The following ZMAT4 variants were observed in gnomAD, a reference collection of about 807,000 sequenced individuals.
The protein encoded by ZMAT4 is zinc finger matrin-type protein 4.
In ZMAT4, 17 loss-of-function variants were observed where a neutral mutation model predicts 28.7. The observed-to-expected ratio is 0.59, with a 90% confidence interval of 0.41 to 0.89. ZMAT4 has a LOEUF of 0.89. Ranked by LOEUF, ZMAT4 falls within the 40% of genes least tolerant of loss-of-function variation. ZMAT4 has a pLI of 0.00. For missense variants in ZMAT4, 240 were observed against 283.8 expected, an observed-to-expected ratio of 0.85 and a Z score of 1.11; for synonymous variants, 117 against 109.2, an observed-to-expected ratio of 1.07 and a Z score of -0.44.
chr8:40,618,220 T>C (rs1402550866), intron 5 of ZMAT4, among the ~76,000 whole-genome samples: 1 of 152,190 alleles, frequency 6.6e-6, no homozygotes, highest in African/African-American at 2.4e-5. Context: ...ATCAGTCCAC[T>C]TATAACAACG....
At chr8:40,760,345 A>T (rs886249902) in intron 3 of ZMAT4, among the ~76,000 whole-genome samples, 1 of 152,028 alleles carries the variant, frequency 6.6e-6, no homozygotes, top group Non-Finnish European at 1.5e-5. Flanking sequence ...CTTTGGAAAC[A>T]TCTGTAAGTT....
intron 5 of ZMAT4, among the ~76,000 whole-genome samples, chr8:40,597,566 C>G (rs1805147429): frequency 6.6e-6 from 1 of 152,180 alleles, no homozygotes; most frequent in Non-Finnish European, 1.5e-5. Flanking sequence ...CCTGTTTTAT[C>G]TTATCCTTCT....
chr8:40,697,320 A>C lies in ZMAT4; in HGVS notation c.274T>G (p.Ser92Ala). The change falls in exon 4 of 7, where the codon TCC becomes GCC. Residue 92 changes from serine (S) to alanine (A), a missense_variant. Transcript: ENST00000297737. ...MSFTSAVVAD[S>A]HYQGKIHAKR... Reference sequence around the variant, plus strand: ...GCGTGGATTTTGCCTTGATAATGGGAATCGGCCACCACCGCTGAAGTGAAT... The same window carrying C: ...GCGTGGATTTTGCCTTGATAATGGGCATCGGCCACCACCGCTGAAGTGAAT... 1 of 1,613,860 alleles carries C rather than the reference A, an allele frequency of 6.2e-7. No homozygotes were observed. The highest frequency in any genetic ancestry group is 8.5e-7 in the Non-Finnish European group (1 of 1,179,846).
At chr8:40,786,660 T>C (rs1461659592) in intron 2 of ZMAT4, 1 of 1,277,366 alleles carries the variant, frequency 7.8e-7, no homozygotes, top group Non-Finnish European at 1.0e-6. Flanking sequence ...TTAACCATCC[T>C]CATTCAGTCC....
chr8:40,856,981 A>G (rs1049040946), intron 1 of ZMAT4, among the ~76,000 whole-genome samples: 1 of 152,190 alleles, frequency 6.6e-6, no homozygotes, highest in African/African-American at 2.4e-5. Context: ...GTTCTCCACT[A>G]AAGTCATAAA....
rs1025660670 is a variant in ZMAT4 at position 40,747,048 on chromosome 8, A to G, written c.192+20593T>C. ...GCACTTATGAGAGCTGCCACTTTCAATGGAGGGCAGGGACCCTTCCCGGCT... is the reference window on the plus strand; with the variant it reads ...GCACTTATGAGAGCTGCCACTTTCAGTGGAGGGCAGGGACCCTTCCCGGCT... On this transcript the variant is annotated intron_variant, in intron 3 of 6. Coordinates refer to ENST00000297737, the MANE Select transcript of ZMAT4 (RefSeq NM_024645.3). Among the ~76,000 whole-genome samples, 6 of 152,148 alleles carry G rather than the reference A, an allele frequency of 3.9e-5. No individual in the cohort carries two copies. In the East Asian group the frequency reaches 7.7e-4, roughly 20 times the overall value.
At chr8:40,563,243 G>A (rs1266772142) in intron 6 of ZMAT4, among the ~76,000 whole-genome samples, 1 of 152,142 alleles carries the variant, frequency 6.6e-6, no homozygotes, top group African/African-American at 2.4e-5. Flanking sequence ...ACTCATGTCT[G>A]CATCATCTCT....
At chr8:40,672,894 G>C (rs760472564) in intron 5 of ZMAT4, among the ~76,000 whole-genome samples, 4 of 152,172 alleles carry the variant, frequency 2.6e-5, no homozygotes, top group Non-Finnish European at 5.9e-5. Flanking sequence ...TGACTCAAAA[G>C]CTTCTGCAAT....
intron 2 of ZMAT4, among the ~76,000 whole-genome samples, chr8:40,814,998 G>A (rs934217736): frequency 6.6e-6 from 1 of 152,196 alleles, no homozygotes; most frequent in African/African-American, 2.4e-5. Flanking sequence ...GGAGAGGCCA[G>A]GCTTGGCAGC....
chr8:40,633,192 C>T (rs1399677064), intron 5 of ZMAT4, among the ~76,000 whole-genome samples: 1 of 152,144 alleles, frequency 6.6e-6, no homozygotes. Flanking sequence ...GGGAGCTCAG[C>T]TGTTGTCTAG....
At chr8:40,540,162 A>C (rs1802985541) in intron 6 of ZMAT4, among the ~76,000 whole-genome samples, 1 of 152,190 alleles carries the variant, frequency 6.6e-6, no homozygotes, top group African/African-American at 2.4e-5. Flanking sequence ...GGAAAACTCC[A>C]ACCAGCCTGT....
chr8:40,715,895 T>C (rs1810830832), intron 3 of ZMAT4, among the ~76,000 whole-genome samples: 1 of 152,320 alleles, frequency 6.6e-6, no homozygotes, highest in Middle Eastern at 3.4e-3. Flanking sequence ...CTCCAAGTCA[T>C]GGAGAAAAAC....
chr8:40,893,988 T>C (rs1401444637), intron 1 of ZMAT4, among the ~76,000 whole-genome samples: 1 of 152,258 alleles, frequency 6.6e-6, no homozygotes, highest in African/African-American at 2.4e-5. Flanking sequence ...CACCTTAGTA[T>C]GAATGAGTAG....
intron 3 of ZMAT4, among the ~76,000 whole-genome samples, chr8:40,714,564 T>C (rs1251777377): frequency 1.3e-5 from 2 of 152,178 alleles, no homozygotes; most frequent in East Asian, 3.9e-4. Flanking sequence ...TTTTATGGGG[T>C]GTCAACCCTC....
chr8:40,691,019 C>T (rs1338898647), intron 4 of ZMAT4: 10 of 728,316 alleles, frequency 1.4e-5, no homozygotes, highest in Non-Finnish European at 1.7e-5. Flanking sequence ...TTAGTGAGAG[C>T]CTTGGATTTT....
At chr8:40,601,644 GAA>G (rs1183478708) in intron 5 of ZMAT4, among the ~76,000 whole-genome samples, 3 of 26,912 alleles carry the variant, frequency 1.1e-4, no homozygotes, top group East Asian at 1.6e-3. Flanking sequence ...GAGAAAGAAA[GAA>G]AGAAAGAAAG....
rs553737757 is a variant in ZMAT4, at chr8:40,843,945, A to C, written c.-4-18265T>G. ...ATCAGTCCCTTCTATCTTTCCCCTC[A>C]ATTTTATAGGCTATGTACACAGTGC... On this transcript the variant is annotated intron_variant, in intron 1 of 6. Transcript: ENST00000297737. Among the ~76,000 whole-genome samples the C allele has an allele frequency of 3.3e-5, 5 of 152,250 alleles. No homozygotes were observed. The South Asian group carries it at 1.0e-3, about 32-fold the overall frequency.
chr8:40,826,306 T>G lies in ZMAT4; in HGVS notation c.-4-626A>C, dbSNP rs192592606. Among the ~76,000 whole-genome samples the G allele has an allele frequency of 1.5e-3, 224 of 152,300 alleles. 1 individual carries two copies. Among genetic ancestry groups the G allele is most frequent in the African/African-American group, 4.9e-3 (205 of 41,568 alleles). On this transcript the variant is annotated intron_variant, in intron 1 of 6. Transcript: ENST00000297737. The stretch of plus-strand genomic sequence containing the variant: ...TTTCAGGGAACATTAGGAAAAGGTT[T>G]ACCATTAACAAAAGAGATTTTTAAG...
chr8:40,617,272 C>A (rs1486683097), intron 5 of ZMAT4, among the ~76,000 whole-genome samples: 1 of 152,206 alleles, frequency 6.6e-6, no homozygotes, highest in East Asian at 1.9e-4. Context: ...ACGTTGGTTG[C>A]AACTTTGATG....
Sources: gnomAD v4.1 joint callset for allele counts (sites outside exome capture counted in the v4.1 genomes callset) on GRCh38, gnomAD v4.1.1 for gene constraint, MANE v1.5 for transcripts, NCBI Gene and HGNC (gene_info 2026-07-23, HGNC 2026-07-21) for gene names.